PTPRM: variants seen among roughly 807,000 people sequenced by gnomAD.
The protein encoded by PTPRM is receptor-type tyrosine-protein phosphatase mu.
In PTPRM, 47 loss-of-function variants were observed where a neutral mutation model predicts 186.7. The observed-to-expected ratio is 0.25, with a 90% CI of 0.20 to 0.32. PTPRM has a LOEUF of 0.32. Among genes scored for constraint, PTPRM ranks in the 10% least tolerant of loss-of-function variants. The pLI, the probability that PTPRM is intolerant of heterozygous loss-of-function variation, is 1.00. For missense variants in PTPRM, 1,494 were observed against 1,865.0 expected, an observed-to-expected ratio of 0.80 and a Z score of 3.66; for synonymous variants, 668 against 674.9, an observed-to-expected ratio of 0.99 and a Z score of 0.16.
chr18:8,097,410 C>T (rs201914513), intron 11 of PTPRM, among the ~76,000 whole-genome samples: 2 of 152,076 alleles, frequency 1.3e-5, no homozygotes, highest in East Asian at 3.9e-4. Flanking sequence ...AATGTATTTT[C>T]CACTCAATGA....
chr18:8,219,851 T>A (rs1027598122), intron 14 of PTPRM, among the ~76,000 whole-genome samples: 4 of 152,220 alleles, frequency 2.6e-5, no homozygotes, highest in African/African-American at 9.7e-5. Context: ...CAGGCATGAC[T>A]TAACCCTTGC....
intron 2 of PTPRM, among the ~76,000 whole-genome samples, chr18:7,794,930 C>G (rs970968733): frequency 1.3e-5 from 2 of 152,174 alleles, no homozygotes; most frequent in Non-Finnish European, 2.9e-5. Context: ...GCTCCCTCCA[C>G]AGATACCTGG....
At position 7,960,476 on chromosome 18, in the gene PTPRM, TATATACACACACACACAC is replaced by T. The variant is rs2053597120; in HGVS notation, c.1132+5064_1132+5081del. Among the ~76,000 whole-genome samples the T allele has an allele frequency of 4.4e-5, 5 of 114,450 alleles. No individual in the cohort carries two copies. In the South Asian group the frequency reaches 1.5e-3, roughly 33 times the overall value. The allele number at this position is 114,450 out of a possible 152,430, so 75.1% of individuals were successfully genotyped here. ...ATATATATATATATATATATATATA[TATATACACACACACACAC>T]ACACACACACACACGTGTGGCCAAG... On this transcript the variant is annotated intron_variant, in intron 7 of 32. Coordinates refer to ENST00000580170, the MANE Select transcript of PTPRM (RefSeq NM_001105244.2).
At chr18:8,365,413 G>C (rs1454016060) in intron 23 of PTPRM, among the ~76,000 whole-genome samples, 3 of 152,224 alleles carry the variant, frequency 2.0e-5, no homozygotes, top group Admixed American at 2.0e-4. Context: ...GGCCACAGAT[G>C]TCAGAATGCA....
At chr18:8,268,081 A>G (rs959256562) in intron 19 of PTPRM, among the ~76,000 whole-genome samples, 2 of 152,176 alleles carry the variant, frequency 1.3e-5, no homozygotes, top group Non-Finnish European at 2.9e-5. Flanking sequence ...CACCAAGGCC[A>G]TGGGAAACAT....
In PTPRM at chr18:8,191,014, C is replaced by G. The variant is rs145268294; in HGVS notation, c.2300+47235C>G. On this transcript the variant is annotated intron_variant, in intron 14 of 32. Coordinates refer to ENST00000580170, the MANE Select transcript of PTPRM (RefSeq NM_001105244.2). ...AGCCTGCTGCCTGCTAAGGACACAG[C>G]TGGGAAATTGGGTGAGCCTCTGGAG... Among the ~76,000 whole-genome samples, 92 of 152,252 alleles carry G rather than the reference C, an allele frequency of 6.0e-4. No homozygotes were observed. The East Asian group carries it at 0.017, about 28-fold the overall frequency.
chr18:8,031,370 G>A (rs566641180), intron 7 of PTPRM, among the ~76,000 whole-genome samples: 10 of 152,294 alleles, frequency 6.6e-5, no homozygotes, highest in African/African-American at 2.4e-4. Flanking sequence ...ATGAAAAACA[G>A]GTGTCAAGTT....
intron 3 of PTPRM, among the ~76,000 whole-genome samples, chr18:7,903,969 G>A (rs1418075512): frequency 1.3e-5 from 2 of 152,154 alleles, no homozygotes; most frequent in African/African-American, 2.4e-5. Flanking sequence ...TTGCATCTAC[G>A]ATAGACTCGT....
intron 2 of PTPRM, among the ~76,000 whole-genome samples, chr18:7,842,357 C>A (rs993248798): frequency 6.6e-6 from 1 of 152,112 alleles, no homozygotes; most frequent in Non-Finnish European, 1.5e-5. Flanking sequence ...CATCTATGGG[C>A]GTTAACTCAA....
At chr18:8,168,996 GTTAAA>G (rs1196744249) in intron 14 of PTPRM, among the ~76,000 whole-genome samples, 2 of 152,114 alleles carry the variant, frequency 1.3e-5, no homozygotes, top group Admixed American at 1.3e-4. Flanking sequence ...AATGGAAGAA[GTTAAA>G]TTAAATATAT....
intron 1 of PTPRM, among the ~76,000 whole-genome samples, chr18:7,708,384 C>T (rs576024889): frequency 6.6e-6 from 1 of 152,144 alleles, no homozygotes; most frequent in African/African-American, 2.4e-5. Context: ...TATAATCAAG[C>T]TCTTTCTGTG....
chr18:7,838,036 A>G (rs1397751635), intron 2 of PTPRM, among the ~76,000 whole-genome samples: 1 of 152,168 alleles, frequency 6.6e-6, no homozygotes, highest in African/African-American at 2.4e-5. Flanking sequence ...CCTGAAGAGA[A>G]GACTCATGGA....
In PTPRM at chr18:8,375,932, C is replaced by A; in HGVS notation, c.3172-114C>A. On this transcript the variant is annotated intron_variant, in intron 24 of 32. Transcript: ENST00000580170. ...CTCTTTCCCCAGCAGTCCACTGTTT[C>A]CTGGCCCTAGACTTGCTACCTGGGG... The A allele has an allele frequency of 3.4e-6, 4 of 1,159,958 alleles. No homozygotes were observed. The Admixed American group carries it at 5.9e-5, about 17-fold the overall frequency. 71.9% of individuals were successfully genotyped at this position (1,159,958 alleles called of 1,614,324 possible).
intron 23 of PTPRM, chr18:8,366,729 T>C (rs2095631594): frequency 1.3e-5 from 2 of 152,236 alleles, no homozygotes; most frequent in African/African-American, 2.4e-5. Context: ...CTGGCAGTAA[T>C]GAGCAGGTGG....
intron 30 of PTPRM, among the ~76,000 whole-genome samples, chr18:8,385,727 A>T (rs2148540063): frequency 6.6e-6 from 1 of 152,318 alleles, no homozygotes; most frequent in African/African-American, 2.4e-5. Flanking sequence ...GCTTTGAAGG[A>T]AATAAGGAGC....
At chr18:8,193,522 G>A (rs918590271) in intron 14 of PTPRM, among the ~76,000 whole-genome samples, 1 of 152,158 alleles carries the variant, frequency 6.6e-6, no homozygotes, top group Non-Finnish European at 1.5e-5. Context: ...GTGAGCTATG[G>A]TCAGCTGTAA....
intron 14 of PTPRM, among the ~76,000 whole-genome samples, chr18:8,220,409 C>T (rs1435938529): frequency 6.6e-6 from 1 of 152,220 alleles, no homozygotes; most frequent in African/African-American, 2.4e-5. Flanking sequence ...TACTTTTCAA[C>T]ACACATACAC....
intron 3 of PTPRM, among the ~76,000 whole-genome samples, chr18:7,899,487 T>C (rs1192743162): frequency 6.6e-6 from 1 of 152,190 alleles, no homozygotes; most frequent in Non-Finnish European, 1.5e-5. Flanking sequence ...CTAAGTTCTG[T>C]GTTGTGACAA....
chr18:7,801,657 G>A (rs933306440), intron 2 of PTPRM, among the ~76,000 whole-genome samples: 5 of 152,160 alleles, frequency 3.3e-5, no homozygotes, highest in African/African-American at 1.2e-4. Context: ...TGCATGTTCT[G>A]TATTTTTACA....
Sources: allele counts gnomAD v4.1 joint callset (sites outside exome capture counted in the v4.1 genomes callset), GRCh38; gene constraint gnomAD v4.1.1; transcripts MANE v1.5; gene names NCBI Gene and HGNC (gene_info 2026-07-23, HGNC 2026-07-21).